Variants in NAV3 observed in about 807,000 individuals in gnomAD.
NAV3 encodes the protein pore membrane and/or filament interacting like protein 1.
In NAV3, 87 loss-of-function variants were observed where a neutral mutation model predicts 244.7. That is an observed-to-expected ratio of 0.36 (90% CI 0.30 to 0.42). NAV3 has a LOEUF of 0.42. Ranked by LOEUF, NAV3 falls within the 20% of genes least tolerant of loss-of-function variation. The pLI is 1.00. For missense variants in NAV3, 2,663 were observed against 2,893.3 expected, an observed-to-expected ratio of 0.92 and a Z score of 1.83; for synonymous variants, 1,126 against 1,042.2, an observed-to-expected ratio of 1.08 and a Z score of -1.55.
Position 77,767,149 on chromosome 12 carries a change from G to GT in NAV3, c.73-173166dup, listed in dbSNP as rs149804469. On this transcript the variant is annotated intron_variant, in intron 2 of 8. Transcript: ENST00000550042. ...CCAAACCTTGTCTACTTGTATGATA[G>GT]TTTTGTATCCTTATTTAAGTTACTT... Among the ~76,000 whole-genome samples the GT allele has an allele frequency of 8.2e-3, 1,256 of 152,262 alleles. 21 individuals carry two copies. Among genetic ancestry groups the GT allele is most frequent in the African/African-American group, 0.027 (1,136 of 41,554 alleles).
At chr12:77,770,475 T>G (rs1410031420) in intron 2 of NAV3, among the ~76,000 whole-genome samples, 1 of 152,146 alleles carries the variant, frequency 6.6e-6, no homozygotes, top group Non-Finnish European at 1.5e-5. Flanking sequence ...TATTATGAAG[T>G]AGGGATTTTT....
At chr12:77,714,856 A>G (rs1001926332) in intron 2 of NAV3, among the ~76,000 whole-genome samples, 1 of 152,178 alleles carries the variant, frequency 6.6e-6, no homozygotes, top group Non-Finnish European at 1.5e-5. Flanking sequence ...AAGTATTATT[A>G]AAAGTCTTAC....
Position 78,116,835 on chromosome 12 carries a change from T to A in NAV3, c.2700T>A (p.Asp900Glu), listed in dbSNP as rs1955404965. 2.5e-6 allele frequency: 4 copies of A among 1,613,198 alleles called. No individual in the cohort carries two copies. The highest frequency in any genetic ancestry group is 1.7e-4 in the Middle Eastern group (1 of 6,058). The change falls in exon 13 of 40, where the codon GAT (aspartate) becomes GAA (glutamate). Residue 900 changes from aspartate to glutamate, a missense_variant. Coordinates refer to ENST00000397909, the MANE Select transcript of NAV3 (RefSeq NM_001024383.2). Reference sequence around the variant, plus strand: ...ACACCCTTGATAACATCAGCACTGATGACCTGAACACCACATCCTCTGTCA... The same window carrying A: ...ACACCCTTGATAACATCAGCACTGAAGACCTGAACACCACATCCTCTGTCA... ...LSDTLDNISTDDLNTTSSVSS... is the reference protein window; with the variant it reads ...LSDTLDNISTEDLNTTSSVSS...
chr12:77,861,220 G>A (rs541592129), intron 1 of NAV3, among the ~76,000 whole-genome samples: 16 of 151,772 alleles, frequency 1.1e-4, no homozygotes, highest in East Asian at 1.9e-4. Context: ...AAAAGGAACC[G>A]TGTATCTTTC....
intron 19 of NAV3, among the ~76,000 whole-genome samples, chr12:78,138,504 T>C (rs1956469365): frequency 6.6e-6 from 1 of 152,154 alleles, no homozygotes; most frequent in South Asian, 2.1e-4. Context: ...TAGTTGTCAT[T>C]GCCTTTTGCA....
At chr12:77,828,330 A>T (rs1433421068), upstream of NAV3, among the ~76,000 whole-genome samples, 1 of 152,162 alleles carries the variant, frequency 6.6e-6, no homozygotes, top group Non-Finnish European at 1.5e-5. Flanking sequence ...TATGCTTCCC[A>T]GCCTCCAGAA....
chr12:77,820,401 A>C (rs1447755944), intron 2 of NAV3, among the ~76,000 whole-genome samples: 1 of 152,068 alleles, frequency 6.6e-6, no homozygotes, highest in African/African-American at 2.4e-5. Context: ...CATATGTTAG[A>C]AGGTGGAAAG....
intron 1 of NAV3, among the ~76,000 whole-genome samples, chr12:77,880,410 A>G (rs967758711): frequency 2.0e-5 from 3 of 152,094 alleles, no homozygotes; most frequent in African/African-American, 7.2e-5. Flanking sequence ...GATGGATAAA[A>G]CCTGCAAGTA....
chr12:77,847,761 T>G (rs147936439), intron 1 of NAV3, among the ~76,000 whole-genome samples: 3 of 152,200 alleles, frequency 2.0e-5, no homozygotes, highest in African/African-American at 7.2e-5. Context: ...GTCTCTGATG[T>G]CTTAGCCCCG....
intron 5 of NAV3, among the ~76,000 whole-genome samples, chr12:77,977,711 C>CGT (rs1463894867): frequency 1.5e-5 from 2 of 132,374 alleles, no homozygotes; most frequent in African/African-American, 2.8e-5. Flanking sequence ...CACACACACG[C>CGT]GCACACACAC....
rs1183857774 is a variant in NAV3 at position 78,119,848 on chromosome 12, C to G, written c.3652C>G (p.Pro1218Ala). The part of the protein sequence containing the change: ...DSESVSLSGS[P>A]KSSPTSASAC... ...AGAAAGTGTTTCTTTGTCAGGTTCC[C>G]CCAAATCCAGCCCCACCTCTGCCAG... The change falls in exon 15 of 40, where the codon CCC (proline) becomes GCC (alanine). Residue 1218 changes from proline to alanine, a missense_variant. By Grantham distance (27) the Pro-to-Ala change is conservative. Around this residue, in one of 6 missense-constraint regions of NAV3, gnomAD observed 1,521 missense variants for 1,497.0 expected, o/e 1.02. Coordinates refer to ENST00000397909, the MANE Select transcript of NAV3 (RefSeq NM_001024383.2). 1.2e-6 allele frequency: 2 copies of G among 1,613,940 alleles called. No homozygotes were observed. Among genetic ancestry groups the G allele is most frequent in the African/African-American group, 1.3e-5 (1 of 74,876 alleles).
chr12:78,111,557 A>C (rs1955093458), intron 12 of NAV3, among the ~76,000 whole-genome samples: 1 of 152,170 alleles, frequency 6.6e-6, no homozygotes, highest in Non-Finnish European at 1.5e-5. Context: ...ATAAAATGGT[A>C]ATGAAATACT....
At position 78,210,409 on chromosome 12, in the gene NAV3, A is replaced by G. The variant is rs1322041776; in HGVS notation, c.7050A>G (p.Leu2350=). The G allele has an allele frequency of 1.1e-5, 18 of 1,613,530 alleles. No individual in the cohort carries two copies. Among genetic ancestry groups the G allele is most frequent in the East Asian group, 2.2e-5 (1 of 44,824 alleles). The change falls in exon 40 of 40, where the codon CTA becomes CTG. Residue 2350 remains leucine (L), a synonymous_variant. Transcript: ENST00000397909. ...TTTTCTTTCTTCAGATGAATATGCT[A>G]ATGAAACTCCAAGAAGCAGCCAATT... ...DTEGDPLMNM[L]MKLQEAANYS...
At position 78,116,863 on chromosome 12, in the gene NAV3, T is replaced by A. The variant is rs772497880; in HGVS notation, c.2728T>A (p.Ser910Thr). 6.2e-7 allele frequency: 1 copy of A among 1,613,524 alleles called. No individual in the cohort carries two copies. Among genetic ancestry groups the A allele is most frequent in the Non-Finnish European group, 8.5e-7 (1 of 1,179,672 alleles). The change falls in exon 13 of 40, where the codon TCT becomes ACT. Residue 910 changes from serine (S) to threonine (T), a missense_variant. Around this residue, in one of 6 missense-constraint regions of NAV3, gnomAD observed 1,521 missense variants for 1,497.0 expected, o/e 1.02. Coordinates refer to ENST00000397909, the MANE Select transcript of NAV3 (RefSeq NM_001024383.2). ...CCTGAACACCACATCCTCTGTCAGC[T>A]CTTACTCCAACATCACCGTCCCCTC... Reference protein sequence around the residue: ...DDLNTTSSVSSYSNITVPSRK... With the variant: ...DDLNTTSSVSTYSNITVPSRK...
At chr12:78,108,707 T>C (rs903995194) in intron 12 of NAV3, among the ~76,000 whole-genome samples, 5 of 152,082 alleles carry the variant, frequency 3.3e-5, no homozygotes, top group African/African-American at 9.6e-5. Flanking sequence ...TCCTGGTTGA[T>C]CACTGGGACA....
At chr12:78,011,219 G>T (rs1024023011) in intron 8 of NAV3, among the ~76,000 whole-genome samples, 1 of 152,096 alleles carries the variant, frequency 6.6e-6, no homozygotes, top group Non-Finnish European at 1.5e-5. Context: ...TTAAAAAGTG[G>T]CAAAGTGACC....
At chr12:77,738,576 C>G (rs894874006) in intron 2 of NAV3, among the ~76,000 whole-genome samples, 1 of 152,166 alleles carries the variant, frequency 6.6e-6, no homozygotes, top group African/African-American at 2.4e-5. Flanking sequence ...TACTCACATA[C>G]ACACACGTTG....
intron 2 of NAV3, among the ~76,000 whole-genome samples, chr12:77,584,746 T>A (rs560523540): frequency 6.6e-6 from 1 of 152,338 alleles, no homozygotes; most frequent in African/African-American, 2.4e-5. Context: ...GGATTTAGAA[T>A]TTTGGATACA....
At chr12:78,018,578 C>T (rs951416341) in intron 8 of NAV3, among the ~76,000 whole-genome samples, 1 of 152,142 alleles carries the variant, frequency 6.6e-6, no homozygotes, top group African/African-American at 2.4e-5. Flanking sequence ...AACCAATTAG[C>T]GGTGGGCTTT....
Sources: gnomAD v4.1 joint callset for allele counts (sites outside exome capture counted in the v4.1 genomes callset) on GRCh38, gnomAD v4.1.1 for gene constraint, gnomAD v4.1.1 regional missense constraint, MANE v1.5 for transcripts, NCBI Gene and HGNC (gene_info 2026-07-23, HGNC 2026-07-21) for gene names.